Variants in SMAD9 observed in about 807,000 individuals in gnomAD.
SMAD9 encodes MAD homolog 9.
In SMAD9, 36 loss-of-function variants were observed where a neutral mutation model predicts 46.1. That is an observed-to-expected ratio of 0.78 (90% CI 0.60 to 1.03). SMAD9 has a LOEUF of 1.03. SMAD9 is among the 50% of genes least tolerant of loss of function. SMAD9 has a pLI of 0.00. For synonymous variants in SMAD9, 245 were observed against 237.1 expected, an observed-to-expected ratio of 1.03 and a Z score of -0.31; for missense variants, 572 against 599.8, an observed-to-expected ratio of 0.95 and a Z score of 0.48.
chr13:36,887,378 A>G (rs1443699474), intron 1 of SMAD9, among the ~76,000 whole-genome samples: 1 of 151,592 alleles, frequency 6.6e-6, no homozygotes, highest in Non-Finnish European at 1.5e-5. Flanking sequence ...GTACACCACC[A>G]CACCCAGATA....
At chr13:36,907,168 A>T (rs967879740) in intron 1 of SMAD9, among the ~76,000 whole-genome samples, 1 of 152,232 alleles carries the variant, frequency 6.6e-6, no homozygotes, top group East Asian at 1.9e-4. Context: ...CCACTTACTT[A>T]TATGAAATAT....
intron 1 of SMAD9, among the ~76,000 whole-genome samples, chr13:36,901,306 T>C (rs2058573813): frequency 6.6e-6 from 1 of 152,164 alleles, no homozygotes; most frequent in Non-Finnish European, 1.5e-5. Flanking sequence ...CGTATGAAAA[T>C]TCCAATTTCT....
rs1251627445 is a variant in SMAD9, at chr13:36,848,102, T to G, written c.*574A>C. ...AGTTTGTTTAAAATGTACCACTGAA[T>G]ATGAGCACAGGAGCCCAGCTATAGG... On this transcript the variant is annotated 3_prime_UTR_variant, in exon 7 of 7. Coordinates refer to ENST00000379826, the MANE Select transcript of SMAD9 (RefSeq NM_001127217.3). The G allele has an allele frequency of 2.0e-5, 3 of 153,254 alleles. No homozygotes were observed. Among genetic ancestry groups the G allele is most frequent in the Non-Finnish European group, 4.4e-5 (3 of 68,752 alleles). The allele number at this position is 153,254 out of a possible 1,614,324, so 9.5% of individuals were successfully genotyped here. A position where few individuals can be genotyped will look rare whatever the true frequency, so the allele number is the denominator to read the frequency against.
intron 1 of SMAD9, among the ~76,000 whole-genome samples, chr13:36,903,405 G>A (rs531095932): frequency 1.3e-5 from 2 of 152,208 alleles, no homozygotes; most frequent in African/African-American, 4.8e-5. Flanking sequence ...GATTACAGTC[G>A]TCAGCCACCA....
intron 1 of SMAD9, among the ~76,000 whole-genome samples, chr13:36,914,573 C>G (rs2058685007): frequency 6.6e-6 from 1 of 152,102 alleles, no homozygotes; most frequent in Non-Finnish European, 1.5e-5. Flanking sequence ...CTTCCTCACT[C>G]CTCCTCTCAG....
intron 1 of SMAD9, among the ~76,000 whole-genome samples, chr13:36,898,139 T>C (rs1437078230): frequency 6.6e-6 from 1 of 151,758 alleles, no homozygotes; most frequent in Admixed American, 6.6e-5. Flanking sequence ...ATTACAGGAG[T>C]GAGCCACTGC....
At chr13:36,865,870 G>A (rs375675149) in intron 4 of SMAD9, 112 bp from the exon 5 acceptor site, 2 of 854,650 alleles carry the variant, frequency 2.3e-6, no homozygotes, top group Non-Finnish European at 3.8e-6. Context: ...TCGGCTGCAA[G>A]ACCAAGCATG....
chr13:36,891,490 G>A (rs2058488752), intron 1 of SMAD9, among the ~76,000 whole-genome samples: 1 of 152,200 alleles, frequency 6.6e-6, no homozygotes. Flanking sequence ...ACTAGGTGAA[G>A]GGGGAGATGT....
At chr13:36,888,298 TG>T (rs1363443357) in intron 1 of SMAD9, among the ~76,000 whole-genome samples, 6 of 152,198 alleles carry the variant, frequency 3.9e-5, no homozygotes, top group African/African-American at 1.4e-4. Flanking sequence ...TCTGCTTGTT[TG>T]GTAAGTGTCT....
intron 1 of SMAD9, among the ~76,000 whole-genome samples, chr13:36,900,649 C>T (rs149378660): frequency 1.2e-3 from 172 of 148,762 alleles, no homozygotes; most frequent in Admixed American, 2.7e-3. Context: ...TTTATTTTTC[C>T]CGAAAGGACT....
At chr13:36,869,709 A>G (rs1178633116) in intron 3 of SMAD9, among the ~76,000 whole-genome samples, 1 of 152,042 alleles carries the variant, frequency 6.6e-6, no homozygotes, top group Non-Finnish European at 1.5e-5. Context: ...CATGTCTGTA[A>G]TCCGAGGTAC....
At chr13:36,869,591 C>T (rs967679918) in intron 3 of SMAD9, among the ~76,000 whole-genome samples, 5 of 151,206 alleles carry the variant, frequency 3.3e-5, no homozygotes, top group South Asian at 4.3e-4. Context: ...CCAGCACTTT[C>T]GGAGGCCGAG....
intron 1 of SMAD9, among the ~76,000 whole-genome samples, chr13:36,883,284 C>CA (rs1277063543): frequency 2.6e-5 from 4 of 151,980 alleles, no homozygotes; most frequent in Non-Finnish European, 5.9e-5. Flanking sequence ...AAACTGGTTG[C>CA]AAAAACAGGA....
intron 3 of SMAD9, among the ~76,000 whole-genome samples, chr13:36,869,723 G>T (rs1035201181): frequency 1.3e-5 from 2 of 152,046 alleles, no homozygotes; most frequent in African/African-American, 4.8e-5. Flanking sequence ...GAGGTACTTG[G>T]AAGGCTGAGG....
In SMAD9 at chr13:36,879,472, C is replaced by G; in HGVS notation, c.218G>C (p.Arg73Pro). 1 of 1,613,790 alleles carries G rather than the reference C, an allele frequency of 6.2e-7. No homozygotes were observed. Among genetic ancestry groups the G allele is most frequent in the Non-Finnish European group, 8.5e-7 (1 of 1,180,010 alleles). Residue 73 changes from arginine to proline, a missense_variant, in exon 2 of 7, where the codon CGC becomes CCC. Arg to Pro is a moderately radical substitution (Grantham distance 103, BLOSUM62 -2). Coordinates refer to ENST00000379826, the MANE Select transcript of SMAD9 (RefSeq NM_001127217.3). ...CACCTGCAGCCGCCCGTCCAGGGAG[C>G]GGGGAATCGTGACGCATTTGCTGGG... The part of the protein sequence containing the change: ...GQPSKCVTIP[R>P]SLDGRLQVSH...
intron 1 of SMAD9, among the ~76,000 whole-genome samples, chr13:36,907,375 T>G (rs1265128939): frequency 2.0e-5 from 3 of 152,138 alleles, no homozygotes; most frequent in Non-Finnish European, 4.4e-5. Context: ...TGACTAAAAA[T>G]GCTGAAAATG....
At chr13:36,907,156 T>C (rs1046004643) in intron 1 of SMAD9, among the ~76,000 whole-genome samples, 4 of 152,172 alleles carry the variant, frequency 2.6e-5, no homozygotes, top group African/African-American at 9.7e-5. Context: ...TGATGCATGA[T>C]TCCACTTACT....
At chr13:36,870,654 C>T (rs1013406579) in intron 3 of SMAD9, among the ~76,000 whole-genome samples, 1 of 152,164 alleles carries the variant, frequency 6.6e-6, no homozygotes, top group East Asian at 1.9e-4. Context: ...GTCCGAGACC[C>T]CCAGTGGCTA....
chr13:36,863,038 A>G (rs2058198341), intron 5 of SMAD9, among the ~76,000 whole-genome samples: 4 of 152,152 alleles, frequency 2.6e-5, no homozygotes, highest in African/African-American at 7.2e-5. Context: ...ATGAATGCAT[A>G]TTACTAAAAC....
Sources: allele counts gnomAD v4.1 joint callset (sites outside exome capture counted in the v4.1 genomes callset), GRCh38; gene constraint gnomAD v4.1.1; transcripts MANE v1.5; gene names NCBI Gene and HGNC (gene_info 2026-07-23, HGNC 2026-07-21).